The following TPD52L1 variants were observed in gnomAD, a reference collection of about 807,000 sequenced individuals.
TPD52L1 encodes the protein tumor protein D53.
Under a neutral mutation model 28.7 loss-of-function variants are expected in TPD52L1, and 18 were observed. The observed-to-expected ratio is 0.63, with a 90% CI of 0.43 to 0.93. The LOEUF is 0.93. TPD52L1 is among the 40% of genes least tolerant of loss of function. TPD52L1 has a pLI of 0.00. For missense variants in TPD52L1, 203 were observed against 254.8 expected (o/e 0.80, Z 1.39); for synonymous variants, 75 against 88.8 (o/e 0.84, Z 0.88).
chr6:125,235,020 G>A (rs2115001352), intron 3 of TPD52L1, among the ~76,000 whole-genome samples: 1 of 151,894 alleles, frequency 6.6e-6, no homozygotes, highest in Admixed American at 6.6e-5. Flanking sequence ...CTAGAGCCCA[G>A]GAGATGGAGG....
chr6:125,186,618 TG>T (rs1202927798), intron 1 of TPD52L1, among the ~76,000 whole-genome samples: 1 of 152,226 alleles, frequency 6.6e-6, no homozygotes, highest in Non-Finnish European at 1.5e-5. Flanking sequence ...CATGACAAAG[TG>T]TTATGATAAC....
chr6:125,222,464 A>G (rs929337923), intron 2 of TPD52L1, among the ~76,000 whole-genome samples: 3 of 152,208 alleles, frequency 2.0e-5, no homozygotes, highest in African/African-American at 7.2e-5. Flanking sequence ...GTCATGATCC[A>G]AAGCAAGACC....
At chr6:125,252,059 T>G (rs1797305861) in intron 4 of TPD52L1, 1 of 1,536,064 alleles carries the variant, frequency 6.5e-7, no homozygotes, top group South Asian at 1.2e-5. Flanking sequence ...GGGCTGCGTG[T>G]GGGGCTTTCC....
intron 3 of TPD52L1, among the ~76,000 whole-genome samples, chr6:125,243,960 T>G (rs542066607): frequency 6.5e-4 from 99 of 152,330 alleles, no homozygotes; most frequent in Non-Finnish European, 1.3e-3. Flanking sequence ...TATTTTTGCT[T>G]AAAATTTTTT....
chr6:125,183,288 G>T (rs1415109604), intron 1 of TPD52L1, among the ~76,000 whole-genome samples: 3 of 152,120 alleles, frequency 2.0e-5, no homozygotes, highest in African/African-American at 7.2e-5. Flanking sequence ...GACCAGCCTA[G>T]CCAACATGGC....
chr6:125,183,411 G>A (rs1207187164), intron 1 of TPD52L1, among the ~76,000 whole-genome samples: 3 of 152,144 alleles, frequency 2.0e-5, no homozygotes, highest in East Asian at 1.9e-4. Flanking sequence ...CCCAGGAGGC[G>A]GAGGTTGCAG....
chr6:125,156,832 A>T (rs909424063), intron 1 of TPD52L1, among the ~76,000 whole-genome samples: 1 of 152,206 alleles, frequency 6.6e-6, no homozygotes, highest in Non-Finnish European at 1.5e-5. Context: ...AATTGGATTG[A>T]ATGTGAAGGA....
At chr6:125,172,524 A>ATTATATAT (rs573060560) in intron 1 of TPD52L1, among the ~76,000 whole-genome samples, 1 of 76,472 alleles carries the variant, frequency 1.3e-5, no homozygotes, top group Admixed American at 1.5e-4. Flanking sequence ...ATATATATAT[A>ATTATATAT]TATATATATA....
At chr6:125,169,570 C>T (rs1375314038) in intron 1 of TPD52L1, among the ~76,000 whole-genome samples, 1 of 152,196 alleles carries the variant, frequency 6.6e-6, no homozygotes, top group Non-Finnish European at 1.5e-5. Flanking sequence ...TTTGTTTTCC[C>T]TCCATTATAC....
At chr6:125,262,482 A>C (rs2115084571) in intron 6 of TPD52L1, 1 of 163,640 alleles carries the variant, frequency 6.1e-6, no homozygotes, top group East Asian at 1.7e-4. Context: ...AATTAATAAA[A>C]AATCTAATTC....
intron 2 of TPD52L1, among the ~76,000 whole-genome samples, chr6:125,228,016 G>C (rs1290127861): frequency 6.6e-6 from 1 of 152,104 alleles, no homozygotes; most frequent in Non-Finnish European, 1.5e-5. Flanking sequence ...TCATTCAATA[G>C]AATACTACTC....
At chr6:125,171,919 G>C (rs891313707) in intron 1 of TPD52L1, among the ~76,000 whole-genome samples, 1 of 151,068 alleles carries the variant, frequency 6.6e-6, no homozygotes, top group Non-Finnish European at 1.5e-5. Context: ...TGAGAGGAGA[G>C]GATGGGATGT....
At chr6:125,219,766 G>C (rs1009703849) in intron 1 of TPD52L1, 1 of 381,688 alleles carries the variant, frequency 2.6e-6, no homozygotes, top group African/African-American at 2.1e-5. Flanking sequence ...CTGCCCTTAC[G>C]CCTCATGAGA....
At position 125,178,655 on chromosome 6, in the gene TPD52L1, C is replaced by A. The variant is rs1452273701; in HGVS notation, c.19+24685C>A. 5.6e-3 allele frequency among the ~76,000 whole-genome samples: 684 copies of A among 122,670 alleles called. 9 individuals are homozygous for A. Among genetic ancestry groups the A allele is most frequent in the African/African-American group, 0.017 (635 of 36,684 alleles). 80.5% of individuals were successfully genotyped at this position (122,670 alleles called of 152,430 possible). A position where few individuals can be genotyped will look rare whatever the true frequency, so the allele number is the denominator to read the frequency against. On this transcript the variant is annotated intron_variant, in intron 1 of 6. Coordinates refer to ENST00000534000, the MANE Select transcript of TPD52L1 (RefSeq NM_003287.4). ...CAAAACAAAACAAAACAAAACAAAACAAAATATATATATATATATATTTGG... is the reference window on the plus strand; with the variant it reads ...CAAAACAAAACAAAACAAAACAAAAAAAAATATATATATATATATATTTGG...
At chr6:125,169,285 G>A (rs1358341069) in intron 1 of TPD52L1, among the ~76,000 whole-genome samples, 1 of 152,050 alleles carries the variant, frequency 6.6e-6, no homozygotes, top group African/African-American at 2.4e-5. Flanking sequence ...AGCACTGTTT[G>A]CCATCTCATG....
intron 1 of TPD52L1, among the ~76,000 whole-genome samples, chr6:125,215,709 C>T (rs1464405154): frequency 6.6e-6 from 1 of 152,080 alleles, no homozygotes. Context: ...TGGAAGCTAC[C>T]GGCTGGGTAC....
intron 1 of TPD52L1, among the ~76,000 whole-genome samples, chr6:125,194,846 G>A (rs1177003864): frequency 6.6e-6 from 1 of 152,110 alleles, no homozygotes; most frequent in Non-Finnish European, 1.5e-5. Context: ...ATAGTTAGTT[G>A]GTGTCAACCT....
At chr6:125,161,689 T>C (rs900514485) in intron 1 of TPD52L1, among the ~76,000 whole-genome samples, 1 of 152,108 alleles carries the variant, frequency 6.6e-6, no homozygotes, top group Non-Finnish European at 1.5e-5. Flanking sequence ...ACACACAGGA[T>C]TTACTGGTTA....
At chr6:125,220,889 C>T (rs570911196) in intron 2 of TPD52L1, among the ~76,000 whole-genome samples, 13 of 152,148 alleles carry the variant, frequency 8.5e-5, no homozygotes, top group Non-Finnish European at 1.5e-4. Context: ...GTAAAAAGGG[C>T]TCCTTGAGTA....
Sources: gnomAD v4.1 joint callset for allele counts (sites outside exome capture counted in the v4.1 genomes callset) on GRCh38, gnomAD v4.1.1 for gene constraint, MANE v1.5 for transcripts, NCBI Gene and HGNC (gene_info 2026-07-23, HGNC 2026-07-21) for gene names.